The following RASGRP1 variants were observed in gnomAD, a reference collection of about 807,000 sequenced individuals.
RASGRP1 encodes the protein RAS guanyl releasing protein 1, also known as RAS guanyl-releasing protein 1.
In RASGRP1, 37 loss-of-function variants were observed where a neutral mutation model predicts 95.1. That is an observed-to-expected ratio of 0.39 (90% CI 0.30 to 0.51). The LOEUF (loss-of-function observed/expected upper bound fraction) is 0.51. Among genes scored for constraint, RASGRP1 ranks in the 20% least tolerant of loss-of-function variants. The probability of loss-of-function intolerance (pLI) is 0.80; values close to 1 mark genes in which losing one functional copy is unlikely to be tolerated. For synonymous variants in RASGRP1, 325 were observed against 353.4 expected, an observed-to-expected ratio of 0.92 and a Z score of 0.90; for missense variants, 711 against 965.4, an observed-to-expected ratio of 0.74 and a Z score of 3.49.
In RASGRP1 at chr15:38,498,959, C is replaced by A; in HGVS notation, c.1721-13G>T. On this transcript the variant is annotated splice_polypyrimidine_tract_variant and intron_variant, in intron 14 of 16. Transcript: ENST00000310803. The stretch of plus-strand genomic sequence containing the variant: ...TTCATCCCGCAGTCTGTGGACAAGA[C>A]ATCCTGGGTCAAGAAGTCTTTCACT... 1.2e-6 allele frequency: 2 copies of A among 1,613,980 alleles called. No individual in the cohort carries two copies. Among genetic ancestry groups the A allele is most frequent in the Non-Finnish European group, 1.7e-6 (2 of 1,179,860 alleles).
intron 2 of RASGRP1, among the ~76,000 whole-genome samples, chr15:38,544,731 C>G (rs981637317): frequency 1.3e-5 from 2 of 152,208 alleles, no homozygotes; most frequent in Non-Finnish European, 2.9e-5. Context: ...CAGCAGAAAA[C>G]GAACTAAGAT....
rs141829466 is a variant in RASGRP1 at position 38,539,233 on chromosome 15, T to C, written c.221-12829A>G. Among the ~76,000 whole-genome samples the C allele has an allele frequency of 5.2e-3, 790 of 152,292 alleles. 9 individuals are homozygous for C. The highest frequency in any genetic ancestry group is 0.018 in the African/African-American group (754 of 41,542). The stretch of plus-strand genomic sequence containing the variant: ...AAAGATAAAAAGCACATAGTCTACC[T>C]GGGTATTGAGGGTTTCCAGAGCTGG... On this transcript the variant is annotated intron_variant, in intron 2 of 16. Coordinates refer to ENST00000310803, the MANE Select transcript of RASGRP1 (RefSeq NM_005739.4).
intron 15 of RASGRP1, among the ~76,000 whole-genome samples, chr15:38,497,103 T>G (rs1890821522): frequency 6.6e-6 from 1 of 152,216 alleles, no homozygotes; most frequent in Non-Finnish European, 1.5e-5. Flanking sequence ...CTTCTTATAT[T>G]AAACTGGCAC....
At chr15:38,534,826 C>T (rs900064708) in intron 2 of RASGRP1, among the ~76,000 whole-genome samples, 1 of 152,196 alleles carries the variant, frequency 6.6e-6, no homozygotes, top group Non-Finnish European at 1.5e-5. Context: ...ACCCATGCTT[C>T]CTGCCTCTGT....
chr15:38,509,560 C>G (rs578233395), intron 8 of RASGRP1, among the ~76,000 whole-genome samples: 1 of 152,194 alleles, frequency 6.6e-6, no homozygotes. Context: ...AACCCCGTCT[C>G]TACTAAAAAT....
chr15:38,531,114 C>T (rs1313747405), intron 2 of RASGRP1, among the ~76,000 whole-genome samples: 1 of 152,134 alleles, frequency 6.6e-6, no homozygotes, highest in Non-Finnish European at 1.5e-5. Context: ...CTACTAAATA[C>T]CAGGAGCTGT....
chr15:38,560,514 C>A (rs1287643611), intron 1 of RASGRP1, among the ~76,000 whole-genome samples: 1 of 152,046 alleles, frequency 6.6e-6, no homozygotes, highest in African/African-American at 2.4e-5. Context: ...TAATCTTGAG[C>A]AATACCTGAG....
chr15:38,549,466 G>A (rs554215595), intron 2 of RASGRP1, among the ~76,000 whole-genome samples: 5 of 152,272 alleles, frequency 3.3e-5, no homozygotes, highest in South Asian at 2.1e-4. Flanking sequence ...ACAAAACCAA[G>A]TCCTATACCA....
intron 2 of RASGRP1, among the ~76,000 whole-genome samples, chr15:38,528,926 T>G (rs1236250278): frequency 3.3e-5 from 5 of 152,144 alleles, no homozygotes; most frequent in Non-Finnish European, 7.4e-5. Flanking sequence ...CTCCCTCCCC[T>G]GAGTTCATTG....
intron 14 of RASGRP1, among the ~76,000 whole-genome samples, chr15:38,499,580 CG>C (rs1161452317): frequency 1.3e-5 from 2 of 152,146 alleles, no homozygotes; most frequent in Non-Finnish European, 2.9e-5. Context: ...GGTCATTCAC[CG>C]GGGGTGTCCG....
At chr15:38,524,674 G>GT (rs1892134469) in intron 3 of RASGRP1, among the ~76,000 whole-genome samples, 1 of 152,184 alleles carries the variant, frequency 6.6e-6, no homozygotes, top group Non-Finnish European at 1.5e-5. Context: ...ATTGGAGATA[G>GT]TGAGTGTAGA....
At chr15:38,495,259 T>C (rs1890754307) in intron 15 of RASGRP1, among the ~76,000 whole-genome samples, 1 of 152,198 alleles carries the variant, frequency 6.6e-6, no homozygotes, top group Non-Finnish European at 1.5e-5. Context: ...AAAGAAGTTT[T>C]AGCTTTGTGG....
chr15:38,560,987 G>A (rs959456551), intron 1 of RASGRP1, among the ~76,000 whole-genome samples: 6 of 152,130 alleles, frequency 3.9e-5, no homozygotes, highest in African/African-American at 1.4e-4. Flanking sequence ...TACACACACA[G>A]ATCCATATCT....
At chr15:38,544,112 TTCTAGGGCTAAAGTAGCCCAAC>T (rs912937656) in intron 2 of RASGRP1, among the ~76,000 whole-genome samples, 3 of 152,196 alleles carry the variant, frequency 2.0e-5, no homozygotes, top group African/African-American at 7.2e-5. Context: ...TTAGCTCATA[TTCTAGGGCTAAAGTAGCCCAAC>T]TCCTACATTG....
intron 2 of RASGRP1, among the ~76,000 whole-genome samples, chr15:38,528,038 A>G (rs939595766): frequency 1.3e-5 from 2 of 151,950 alleles, no homozygotes; most frequent in African/African-American, 4.8e-5. Flanking sequence ...CCATCCCCAA[A>G]TCCACCATTT....
At chr15:38,544,030 G>T (rs1416286645) in intron 2 of RASGRP1, among the ~76,000 whole-genome samples, 2 of 152,112 alleles carry the variant, frequency 1.3e-5, no homozygotes, top group Admixed American at 6.6e-5. Flanking sequence ...CTTTATGGTG[G>T]TATTTAATTC....
intron 2 of RASGRP1, among the ~76,000 whole-genome samples, chr15:38,557,073 C>T (rs780863326): frequency 3.3e-5 from 5 of 152,174 alleles, no homozygotes; most frequent in Admixed American, 3.3e-4. Context: ...TCTCTACAAA[C>T]CTGAGAAACT....
chr15:38,531,473 C>T (rs572997311), intron 2 of RASGRP1, among the ~76,000 whole-genome samples: 2 of 152,220 alleles, frequency 1.3e-5, no homozygotes, highest in Non-Finnish European at 2.9e-5. Context: ...CTGGTGATTT[C>T]TGAAAAACTC....
At chr15:38,563,459 C>A (rs1418193063) in intron 1 of RASGRP1, among the ~76,000 whole-genome samples, 3 of 152,166 alleles carry the variant, frequency 2.0e-5, no homozygotes, top group Non-Finnish European at 4.4e-5. Context: ...CCTCTCCAGG[C>A]ATAGGTATCT....
Sources: gnomAD v4.1 joint callset for allele counts (sites outside exome capture counted in the v4.1 genomes callset) on GRCh38, gnomAD v4.1.1 for gene constraint, MANE v1.5 for transcripts, NCBI Gene and HGNC (gene_info 2026-07-23, HGNC 2026-07-21) for gene names.